Variants in LIMD1 observed in about 807,000 individuals in gnomAD.
The protein encoded by LIMD1 is LIM domain containing 1.
LIMD1 carries 23 observed loss-of-function variants against 58.4 expected under a neutral mutation model. The observed-to-expected ratio is 0.39, with a 90% CI of 0.28 to 0.56. The LOEUF is 0.56. Among genes scored for constraint, LIMD1 ranks in the 20% least tolerant of loss-of-function variants. The probability of loss-of-function intolerance (pLI) is 0.57; values close to 1 mark genes in which losing one functional copy is unlikely to be tolerated. For missense variants in LIMD1, 838 were observed against 855.5 expected, an observed-to-expected ratio of 0.98 and a Z score of 0.25; for synonymous variants, 334 against 345.5, an observed-to-expected ratio of 0.97 and a Z score of 0.37.
rs899045101 is a variant in LIMD1, at chr3:45,685,285, T to G, written c.*8226T>G. On this transcript the variant is annotated 3_prime_UTR_variant, in exon 8 of 8. Coordinates refer to ENST00000273317, the MANE Select transcript of LIMD1 (RefSeq NM_014240.3). ...TTTAAAAACCCCAGAAGAATGGGGT[T>G]TCTGCCAGATTATTTTCTGGTTTTC... is the stretch of plus-strand genomic sequence containing the variant. 5.9e-5 allele frequency: 9 copies of G among 152,186 alleles called. No individual in the cohort carries two copies. Among genetic ancestry groups the G allele is most frequent in the African/African-American group, 1.9e-4 (8 of 41,448 alleles). 9.4% of individuals were successfully genotyped at this position (152,186 alleles called of 1,614,324 possible).
intron 1 of LIMD1, among the ~76,000 whole-genome samples, chr3:45,630,449 C>A (rs1701716015): frequency 6.6e-6 from 1 of 152,106 alleles, no homozygotes. Context: ...GTGGGGGGAA[C>A]GATTGGTTTC....
chr3:45,642,415 A>G (rs1202216175), intron 2 of LIMD1, among the ~76,000 whole-genome samples: 4 of 152,132 alleles, frequency 2.6e-5, no homozygotes, highest in Admixed American at 6.6e-5. Flanking sequence ...GGGCTCAAGC[A>G]GTCTGTCTGC....
Position 45,595,193 on chromosome 3 carries a change from C to T in LIMD1, c.314C>T (p.Pro105Leu), listed in dbSNP as rs1701331735. 1.9e-6 allele frequency: 3 copies of T among 1,602,550 alleles called. No homozygotes were observed. Among genetic ancestry groups the T allele is most frequent in the African/African-American group, 2.7e-5 (2 of 74,800 alleles). The change falls in exon 1 of 8, where the codon CCT becomes CTT. Residue 105 changes from proline to leucine, a missense_variant. This residue lies in a region of LIMD1 where 659 missense variants were observed against 639.8 expected (regional missense o/e 1.03). Coordinates refer to ENST00000273317, the MANE Select transcript of LIMD1 (RefSeq NM_014240.3). ...CTGACTGTGGATGGTGCTGCCAAGC[C>T]TCCTCTTGCTGCCTCGACAGGGGCA... ...SKLTVDGAAK[P>L]PLAASTGAPG...
chr3:45,647,553 G>T (rs1701919527), intron 2 of LIMD1, among the ~76,000 whole-genome samples: 3 of 152,274 alleles, frequency 2.0e-5, no homozygotes, highest in Middle Eastern at 6.8e-3. Flanking sequence ...CAGCAGCCCT[G>T]CAATGGTCAC....
intron 2 of LIMD1, among the ~76,000 whole-genome samples, chr3:45,637,282 A>ATTTT (rs35720186): frequency 1.4e-5 from 2 of 144,628 alleles, no homozygotes; most frequent in African/African-American, 5.1e-5. Context: ...AAGTGTATTA[A>ATTTT]TTTTTTTTTT....
chr3:45,602,925 C>T (rs563681567), intron 1 of LIMD1, among the ~76,000 whole-genome samples: 161 of 152,062 alleles, frequency 1.1e-3, no homozygotes, highest in African/African-American at 3.2e-3. Context: ...CTGCGGCCAC[C>T]GCCTCCCCGG....
At chr3:45,604,477 G>A (rs1170112728) in intron 1 of LIMD1, among the ~76,000 whole-genome samples, 1 of 152,182 alleles carries the variant, frequency 6.6e-6, no homozygotes, top group Non-Finnish European at 1.5e-5. Flanking sequence ...ATACGTGTCA[G>A]GTCACACTGT....
chr3:45,632,816 G>T (rs3796363), intron 1 of LIMD1, among the ~76,000 whole-genome samples: 2 of 152,162 alleles, frequency 1.3e-5, no homozygotes, highest in East Asian at 1.9e-4. Context: ...GCCCCACTTG[G>T]CTCGGCCTGG....
intron 1 of LIMD1, among the ~76,000 whole-genome samples, chr3:45,625,817 T>A (rs189269557): frequency 1.3e-5 from 2 of 152,304 alleles, no homozygotes; most frequent in Admixed American, 1.3e-4. Flanking sequence ...CCTCTAGAAC[T>A]GTAAGAAATA....
At chr3:45,607,673 G>A (rs12330313) in intron 1 of LIMD1, among the ~76,000 whole-genome samples, 141,597 of 152,122 alleles carry the variant, frequency 0.93, 66,713 homozygotes, top group East Asian at 1. Context: ...GACCTAGTGG[G>A]TAAGGCACCC....
Position 45,595,443 on chromosome 3 carries a change from A to C in LIMD1, c.564A>C (p.Pro188=). Residue 188 remains proline, a synonymous_variant, in exon 1 of 8, where the codon CCA becomes CCC. Transcript: ENST00000273317. ...ATGACAACCTCTCCTTGGCAAGCCC[A>C]AAGTGGGGTGACAAACCAGGAGTGT... ...DYYDNLSLAS[P]KWGDKPGVSP... 19 of 1,614,022 alleles carry C rather than the reference A, an allele frequency of 1.2e-5. No individual in the cohort carries two copies. Among genetic ancestry groups the C allele is most frequent in the Non-Finnish European group, 1.6e-5 (19 of 1,179,932 alleles).
At chr3:45,654,658 G>A (rs1374181311) in intron 2 of LIMD1, among the ~76,000 whole-genome samples, 3 of 151,510 alleles carry the variant, frequency 2.0e-5, no homozygotes, top group Non-Finnish European at 2.9e-5. Flanking sequence ...GTGAAACCCC[G>A]TCTCTACTAA....
At chr3:45,667,100 A>G (rs1219433654) in intron 3 of LIMD1, among the ~76,000 whole-genome samples, 1 of 152,188 alleles carries the variant, frequency 6.6e-6, no homozygotes, top group Non-Finnish European at 1.5e-5. Flanking sequence ...TGATGGCCAG[A>G]TGTTGGGAGG....
chr3:45,639,448 A>G (rs1701820350), intron 2 of LIMD1, among the ~76,000 whole-genome samples: 1 of 152,152 alleles, frequency 6.6e-6, no homozygotes, highest in African/African-American at 2.4e-5. Context: ...ATAGAAATGT[A>G]TTTCTCACAG....
intron 4 of LIMD1, among the ~76,000 whole-genome samples, chr3:45,670,407 T>A (rs1697574904): frequency 6.6e-6 from 1 of 152,226 alleles, no homozygotes; most frequent in Admixed American, 6.5e-5. Flanking sequence ...TGCTTCATGC[T>A]GTGGGTCAGG....
chr3:45,609,661 C>T (rs1242044928), intron 1 of LIMD1, among the ~76,000 whole-genome samples: 1 of 152,194 alleles, frequency 6.6e-6, no homozygotes, highest in African/African-American at 2.4e-5. Context: ...TTACCACATC[C>T]AGAAAAAGTA....
chr3:45,675,302 G>A (rs534738935), intron 7 of LIMD1, among the ~76,000 whole-genome samples: 46 of 152,332 alleles, frequency 3.0e-4, no homozygotes, highest in South Asian at 1.2e-3. Context: ...GGCCAAGGCC[G>A]GCAGATTACT....
rs116672745 is a variant in LIMD1, at chr3:45,608,049, G to A, written c.1408+11762G>A. On this transcript the variant is annotated intron_variant, in intron 1 of 7. Coordinates refer to ENST00000273317, the MANE Select transcript of LIMD1 (RefSeq NM_014240.3). ...GTAAATTTAGAAAGAAATGGAATTG[G>A]GGGCAGCTCAGCTGCTGGCCATGGC... Among the ~76,000 whole-genome samples, 1,258 of 152,328 alleles carry A rather than the reference G, an allele frequency of 8.3e-3. 13 individuals are homozygous for A. The highest frequency in any genetic ancestry group is 0.028 in the African/African-American group (1,179 of 41,574).
chr3:45,653,929 AAAAG>A (rs1202075610), intron 2 of LIMD1, among the ~76,000 whole-genome samples: 2 of 136,438 alleles, frequency 1.5e-5, no homozygotes, highest in Admixed American at 7.0e-5. Context: ...AAAAAAAAGA[AAAAG>A]AAAAAAAAAA....
Sources: gnomAD v4.1 joint callset for allele counts (sites outside exome capture counted in the v4.1 genomes callset) on GRCh38, gnomAD v4.1.1 for gene constraint, gnomAD v4.1.1 regional missense constraint, MANE v1.5 for transcripts, NCBI Gene and HGNC (gene_info 2026-07-23, HGNC 2026-07-21) for gene names.